The following CDH13 variants were observed in gnomAD, a reference collection of about 807,000 sequenced individuals.
The protein encoded by CDH13 is cadherin-13.
A neutral mutation model predicts 63.8 loss-of-function variants in CDH13; 24 were observed. That is an observed-to-expected ratio of 0.38 (90% CI 0.27 to 0.53). CDH13 has a LOEUF of 0.53. Ranked by LOEUF, CDH13 falls within the 20% of genes least tolerant of loss-of-function variation. CDH13 has a pLI of 0.85. For missense variants in CDH13, 1,049 were observed against 903.1 expected (o/e 1.16, Z -2.07); for synonymous variants, 503 against 355.3 (o/e 1.42, Z -4.67).
chr16:83,519,575 A>G (rs1396299150), intron 7 of CDH13, among the ~76,000 whole-genome samples: 2 of 152,254 alleles, frequency 1.3e-5, no homozygotes, highest in Non-Finnish European at 2.9e-5. Context: ...TTATAAGTTT[A>G]CAGACCCTTT....
intron 3 of CDH13, among the ~76,000 whole-genome samples, chr16:83,033,843 A>C (rs1037486478): frequency 1.3e-5 from 2 of 152,200 alleles, no homozygotes; most frequent in African/African-American, 4.8e-5. Flanking sequence ...TAATGATGGC[A>C]TGCCCCTGCT....
intron 10 of CDH13, among the ~76,000 whole-genome samples, chr16:83,727,861 G>A (rs1910592507): frequency 6.6e-6 from 1 of 152,112 alleles, no homozygotes; most frequent in South Asian, 2.1e-4. Flanking sequence ...CGTTGGCGGG[G>A]AGGGCAGCCA....
intron 3 of CDH13, among the ~76,000 whole-genome samples, chr16:83,066,249 C>G (rs958642402): frequency 6.6e-6 from 1 of 152,182 alleles, no homozygotes; most frequent in Non-Finnish European, 1.5e-5. Context: ...CTAGGGGAAT[C>G]AGTTTCTCAA....
intron 5 of CDH13, among the ~76,000 whole-genome samples, chr16:83,226,897 A>G (rs2039856927): frequency 1.3e-5 from 2 of 152,184 alleles, no homozygotes; most frequent in African/African-American, 2.4e-5. Context: ...AGCCATCTAT[A>G]TGCCTTCAGC....
intron 1 of CDH13, among the ~76,000 whole-genome samples, chr16:82,660,116 G>C (rs1398980206): frequency 6.6e-6 from 1 of 152,178 alleles, no homozygotes; most frequent in African/African-American, 2.4e-5. Flanking sequence ...TTATTCTGTG[G>C]TTTGGCTGAG....
At chr16:83,103,861 A>G (rs6565122) in intron 3 of CDH13, among the ~76,000 whole-genome samples, 31,997 of 152,172 alleles carry the variant, frequency 0.21, 3,693 homozygotes, top group African/African-American at 0.28. Flanking sequence ...GATGTTTAAA[A>G]AAATTTTCCT....
chr16:83,403,487 G>A (rs983416478), intron 6 of CDH13, among the ~76,000 whole-genome samples: 1 of 152,134 alleles, frequency 6.6e-6, no homozygotes, highest in African/African-American at 2.4e-5. Flanking sequence ...GCCAGGTGTG[G>A]TCGCGCGCGC....
chr16:83,608,942 A>G (rs1156279515), intron 8 of CDH13, among the ~76,000 whole-genome samples: 6 of 152,226 alleles, frequency 3.9e-5, no homozygotes, highest in African/African-American at 1.2e-4. Context: ...ATCATTGTCT[A>G]TAGAAATATA....
intron 8 of CDH13, among the ~76,000 whole-genome samples, chr16:83,652,391 G>C (rs772949082): frequency 2.9e-4 from 44 of 152,156 alleles, no homozygotes; most frequent in Admixed American, 7.9e-4. Context: ...CTGGAGATTA[G>C]ACATGTGCTT....
chr16:83,426,821 T>C (rs2071916770), intron 6 of CDH13, among the ~76,000 whole-genome samples: 1 of 151,748 alleles, frequency 6.6e-6, no homozygotes. Context: ...TCTCCTCTCT[T>C]GCTGTTAAGG....
intron 2 of CDH13, among the ~76,000 whole-genome samples, chr16:82,964,999 G>C (rs958063970): frequency 1.3e-5 from 2 of 152,228 alleles, no homozygotes; most frequent in African/African-American, 4.8e-5. Context: ...GAAGCACCAG[G>C]TGATGTAAGT....
At chr16:82,833,406 G>A (rs530520127) in intron 1 of CDH13, among the ~76,000 whole-genome samples, 2 of 152,260 alleles carry the variant, frequency 1.3e-5, no homozygotes, top group South Asian at 4.1e-4. Flanking sequence ...TTGTGGCGTG[G>A]GGACTCAAAG....
intron 1 of CDH13, among the ~76,000 whole-genome samples, chr16:82,788,882 C>A (rs1294718289): frequency 1.3e-5 from 2 of 152,124 alleles, no homozygotes; most frequent in African/African-American, 4.8e-5. Flanking sequence ...GTTCATTAAG[C>A]CTTTGGATCA....
At chr16:82,883,673 C>T (rs1486261175) in intron 2 of CDH13, among the ~76,000 whole-genome samples, 4 of 152,174 alleles carry the variant, frequency 2.6e-5, no homozygotes, top group African/African-American at 9.7e-5. Context: ...TTGCATCTTG[C>T]TCACAGAGCT....
At chr16:83,670,731 T>G (rs568003957) in intron 8 of CDH13, 59 bp from the exon 9 acceptor site, 2 of 1,450,938 alleles carry the variant, frequency 1.4e-6, no homozygotes, top group Admixed American at 1.7e-5. Flanking sequence ...ATGCAAAGCA[T>G]GTAGTAAATG....
chr16:83,162,783 ACT>A (rs2037502599), intron 4 of CDH13, among the ~76,000 whole-genome samples: 1 of 151,994 alleles, frequency 6.6e-6, no homozygotes, highest in Non-Finnish European at 1.5e-5. Flanking sequence ...TTTGTGGCAA[ACT>A]CCCCAGGTGA....
At chr16:83,146,422 AGGACCAGCATCTCTGCAATTT>A (rs1260418344) in intron 4 of CDH13, among the ~76,000 whole-genome samples, 4 of 152,134 alleles carry the variant, frequency 2.6e-5, no homozygotes, top group African/African-American at 9.6e-5. Flanking sequence ...CAGCCATGTC[AGGACCAGCATCTCTGCAATTT>A]GTTTGGTCTT....
rs187577896 is a variant in CDH13, at chr16:82,671,561, A to G, written c.45+44424A>G. On this transcript the variant is annotated intron_variant, in intron 1 of 13. Coordinates refer to ENST00000567109, the MANE Select transcript of CDH13 (RefSeq NM_001257.5). The stretch of plus-strand genomic sequence containing the variant: ...GATCAATTTTTAAAACAAATTTACT[A>G]ACCTAGTCTTCAGATACATAGGTTT... Among the ~76,000 whole-genome samples, 468 of 152,356 alleles carry G rather than the reference A, an allele frequency of 3.1e-3. 3 individuals are homozygous for G. The highest frequency in any genetic ancestry group is 0.011 in the African/African-American group (441 of 41,582).
chr16:82,861,412 G>A (rs527638722), intron 2 of CDH13, among the ~76,000 whole-genome samples: 13 of 152,320 alleles, frequency 8.5e-5, no homozygotes, highest in South Asian at 8.3e-4. Context: ...TGAAAGTGCT[G>A]TCTCTTTGCC....
Sources: allele counts gnomAD v4.1 joint callset (sites outside exome capture counted in the v4.1 genomes callset), GRCh38; gene constraint gnomAD v4.1.1; transcripts MANE v1.5; gene names NCBI Gene and HGNC (gene_info 2026-07-23, HGNC 2026-07-21).